MAP2: variants seen among roughly 807,000 people sequenced by gnomAD.
The protein encoded by MAP2 is microtubule associated protein 2, also known as microtubule-associated protein 2.
In MAP2, 14 loss-of-function variants were observed where a neutral mutation model predicts 137.6. The observed-to-expected ratio is 0.10, with a 90% CI of 0.07 to 0.16. The LOEUF is 0.16. MAP2 is among the 10% of genes least tolerant of loss of function. The pLI is 1.00. For missense variants in MAP2, 2,088 were observed against 2,191.5 expected (o/e 0.95, Z 0.94); for synonymous variants, 786 against 782.3 (o/e 1.00, Z -0.08).
At chr2:209,703,046 C>T (rs1253266318) in intron 11 of MAP2, among the ~76,000 whole-genome samples, 2 of 152,122 alleles carry the variant, frequency 1.3e-5, no homozygotes, top group African/African-American at 2.4e-5. Flanking sequence ...CCCAATTATA[C>T]TTGCAGACAG....
chr2:209,702,597 C>T (rs17745737), intron 11 of MAP2, among the ~76,000 whole-genome samples: 2,835 of 152,082 alleles, frequency 0.019, 40 homozygotes, highest in Middle Eastern at 0.065. Context: ...AACAGACCCA[C>T]CCATAATCCT....
In MAP2 at chr2:209,731,272, G is replaced by T. The variant is rs2075736563; in HGVS notation, c.*875G>T. The T allele has an allele frequency of 6.6e-6, 1 of 151,796 alleles. No individual in the cohort carries two copies. Among genetic ancestry groups the T allele is most frequent in the Non-Finnish European group, 1.5e-5 (1 of 67,930 alleles). The allele number at this position is 151,796 out of a possible 1,614,324, so 9.4% of individuals were successfully genotyped here. On this transcript the variant is annotated 3_prime_UTR_variant, in exon 16 of 16. Transcript: ENST00000682079. ...AGTATCTGTGTCTCCTGCACCCTTTGGTGTTGCAATTTTAGATATGTGAAA... is the reference window on the plus strand; with the variant it reads ...AGTATCTGTGTCTCCTGCACCCTTTTGTGTTGCAATTTTAGATATGTGAAA...
At chr2:209,460,689 CT>C (rs1267173872) in intron 1 of MAP2, among the ~76,000 whole-genome samples, 2 of 149,636 alleles carry the variant, frequency 1.3e-5, no homozygotes, top group Admixed American at 6.7e-5. Flanking sequence ...CAAATTTTCT[CT>C]TTCTTCTGTT....
At chr2:209,591,557 A>G (rs1391970463) in intron 3 of MAP2, among the ~76,000 whole-genome samples, 2 of 152,216 alleles carry the variant, frequency 1.3e-5, no homozygotes, top group Non-Finnish European at 2.9e-5. Context: ...TATCGTTTTT[A>G]AGTTAAAGTA....
rs79890966 is a variant in MAP2 at position 209,653,037 on chromosome 2, C to T, written c.-29-105C>T. On this transcript the variant is annotated intron_variant, in intron 4 of 15. Coordinates refer to ENST00000682079, the MANE Select transcript of MAP2 (RefSeq NM_001375505.1). ...GGTTATTGTACATGTTTTCTTTGAC[C>T]ATAGAAAGCCACACGGTTTGCTACA... is the stretch of plus-strand genomic sequence containing the variant. 9.5e-3 allele frequency: 7,346 copies of T among 776,144 alleles called. 377 individuals are homozygous for T. The African/African-American group carries it at 0.11, about 12-fold the overall frequency. The allele number at this position is 776,144 out of a possible 1,614,324, so 48.1% of individuals were successfully genotyped here.
chr2:209,655,813 C>T (rs1409898361), intron 5 of MAP2, among the ~76,000 whole-genome samples: 2 of 152,212 alleles, frequency 1.3e-5, no homozygotes, highest in African/African-American at 2.4e-5. Flanking sequence ...ACACTGTTAG[C>T]GTGAGGCACT....
chr2:209,443,270 T>C (rs1376973641), intron 1 of MAP2, among the ~76,000 whole-genome samples: 1 of 151,506 alleles, frequency 6.6e-6, no homozygotes, highest in African/African-American at 2.4e-5. Context: ...ACCAGCTCAG[T>C]TTTTGTATTT....
intron 5 of MAP2, among the ~76,000 whole-genome samples, chr2:209,667,863 C>A (rs911927443): frequency 2.6e-5 from 4 of 151,926 alleles, no homozygotes; most frequent in Non-Finnish European, 4.4e-5. Context: ...AACATGACTT[C>A]AGCACTTTTC....
At chr2:209,569,939 A>T (rs1213506625) in intron 2 of MAP2, among the ~76,000 whole-genome samples, 1 of 151,868 alleles carries the variant, frequency 6.6e-6, no homozygotes, top group Non-Finnish European at 1.5e-5. Flanking sequence ...AGTTCTTTAA[A>T]AACCCATGAG....
At chr2:209,678,404 C>CT (rs2052961820) in intron 5 of MAP2, among the ~76,000 whole-genome samples, 168 bp from the exon 6 acceptor site, 1 of 151,936 alleles carries the variant, frequency 6.6e-6, no homozygotes, top group African/African-American at 2.4e-5. Flanking sequence ...TTTTCTTCTT[C>CT]TTTTTTGTAT....
intron 11 of MAP2, chr2:209,704,306 C>T (rs1280973368): frequency 1.5e-6 from 1 of 661,750 alleles, no homozygotes; most frequent in African/African-American, 1.8e-5. Flanking sequence ...AAGTACACAT[C>T]TCTATCATTG....
chr2:209,461,765 T>C (rs1040883912), intron 1 of MAP2, among the ~76,000 whole-genome samples: 1 of 152,144 alleles, frequency 6.6e-6, no homozygotes, highest in African/African-American at 2.4e-5. Context: ...GATTCTTAAT[T>C]AATTGTTTTT....
intron 5 of MAP2, among the ~76,000 whole-genome samples, chr2:209,671,322 T>C (rs551457999): frequency 2.0e-4 from 31 of 152,050 alleles, no homozygotes; most frequent in African/African-American, 6.3e-4. Flanking sequence ...CATCAGTTGA[T>C]TACAGGAAAT....
intron 5 of MAP2, among the ~76,000 whole-genome samples, chr2:209,663,132 T>C (rs2044481913): frequency 6.6e-6 from 1 of 152,166 alleles, no homozygotes; most frequent in South Asian, 2.1e-4. Flanking sequence ...ATCACTCCTC[T>C]TTTTTCCCCT....
intron 4 of MAP2, among the ~76,000 whole-genome samples, chr2:209,646,387 T>G (rs543245758): frequency 6.6e-6 from 1 of 152,278 alleles, no homozygotes; most frequent in East Asian, 1.9e-4. Context: ...CAAGTCCAAA[T>G]TTTTTCTTAA....
At chr2:209,559,707 T>C (rs113549551) in intron 2 of MAP2, among the ~76,000 whole-genome samples, 2,990 of 151,080 alleles carry the variant, frequency 0.02, 94 homozygotes, top group African/African-American at 0.069. Context: ...AAGACAGTAG[T>C]GGTGTCCTTT....
chr2:209,461,234 A>G (rs1190100392), intron 1 of MAP2, among the ~76,000 whole-genome samples: 1 of 152,192 alleles, frequency 6.6e-6, no homozygotes, highest in Non-Finnish European at 1.5e-5. Flanking sequence ...TCCAAAATGA[A>G]CTACATGACT....
At chr2:209,431,514 A>G (rs2149285952) in intron 1 of MAP2, among the ~76,000 whole-genome samples, 4 of 152,286 alleles carry the variant, frequency 2.6e-5, no homozygotes, top group Admixed American at 2.6e-4. Context: ...TTATATATGA[A>G]TTAGAGAATG....
At chr2:209,619,224 G>A (rs1481149448) in intron 3 of MAP2, among the ~76,000 whole-genome samples, 1 of 152,072 alleles carries the variant, frequency 6.6e-6, no homozygotes, top group Non-Finnish European at 1.5e-5. Context: ...TATGGTGACT[G>A]TAGTTAATAA....
Sources: allele counts gnomAD v4.1 joint callset (sites outside exome capture counted in the v4.1 genomes callset), GRCh38; gene constraint gnomAD v4.1.1; transcripts MANE v1.5; gene names NCBI Gene and HGNC (gene_info 2026-07-23, HGNC 2026-07-21).